Variants in CSMD1 observed in about 807,000 individuals in gnomAD.
The protein encoded by CSMD1 is CUB and Sushi multiple domains 1, also known as CUB and sushi domain-containing protein 1.
Under a neutral mutation model 417.5 loss-of-function variants are expected in CSMD1, and 213 were observed. That is an observed-to-expected ratio of 0.51 (90% confidence interval 0.46 to 0.57). CSMD1 has a LOEUF of 0.57. Ranked by LOEUF, CSMD1 falls within the 20% of genes least tolerant of loss-of-function variation. CSMD1 has a pLI of 0.00. For synonymous variants in CSMD1, 2,862 were observed against 1,736.8 expected (o/e 1.65, Z -16.11); for missense variants, 6,923 against 4,529.7 (o/e 1.53, Z -15.17).
chr8:3,244,031 T>G (rs1799718681), intron 26 of CSMD1, among the ~76,000 whole-genome samples: 1 of 152,148 alleles, frequency 6.6e-6, no homozygotes, highest in South Asian at 2.1e-4. Flanking sequence ...ATAAAATGCT[T>G]CTCACATCTG....
At chr8:3,638,867 C>G (rs1797171671) in intron 7 of CSMD1, among the ~76,000 whole-genome samples, 2 of 152,246 alleles carry the variant, frequency 1.3e-5, no homozygotes, top group African/African-American at 4.8e-5. Flanking sequence ...AAAGATAAAA[C>G]TACAAGAAAA....
chr8:4,007,807 G>T (rs530019153), intron 4 of CSMD1, among the ~76,000 whole-genome samples: 6 of 151,956 alleles, frequency 3.9e-5, no homozygotes, highest in Non-Finnish European at 7.4e-5. Flanking sequence ...ATATTTAGGG[G>T]GCTATGCACG....
intron 3 of CSMD1, among the ~76,000 whole-genome samples, chr8:4,341,712 A>G (rs931139342): frequency 9.2e-5 from 14 of 152,292 alleles, no homozygotes; most frequent in African/African-American, 9.6e-5. Context: ...AGATTAGTCA[A>G]TATGTTTTTT....
chr8:4,288,122 G>T (rs553707970), intron 3 of CSMD1, among the ~76,000 whole-genome samples: 1 of 152,096 alleles, frequency 6.6e-6, no homozygotes, highest in Admixed American at 6.6e-5. Context: ...CATGCTTTCT[G>T]TTCCTGCAGC....
At chr8:4,674,723 A>G (rs914971058) in intron 1 of CSMD1, among the ~76,000 whole-genome samples, 3 of 152,218 alleles carry the variant, frequency 2.0e-5, no homozygotes, top group Admixed American at 6.5e-5. Flanking sequence ...GTGCAAATAC[A>G]TATAGAAGAA....
intron 3 of CSMD1, among the ~76,000 whole-genome samples, chr8:4,092,443 C>A (rs1200109759): frequency 6.6e-6 from 1 of 152,016 alleles, no homozygotes; most frequent in Non-Finnish European, 1.5e-5. Flanking sequence ...TATATTATGA[C>A]CATATTATGA....
chr8:4,423,184 C>A (rs1797347774), intron 2 of CSMD1, among the ~76,000 whole-genome samples: 1 of 152,012 alleles, frequency 6.6e-6, no homozygotes, highest in Non-Finnish European at 1.5e-5. Context: ...CATTCTTATT[C>A]AATATCGTGC....
chr8:4,350,270 G>T (rs1389821991), intron 3 of CSMD1, among the ~76,000 whole-genome samples: 1 of 152,114 alleles, frequency 6.6e-6, no homozygotes, highest in African/African-American at 2.4e-5. Context: ...CTCACTCTAG[G>T]GGACGCCAAC....
At chr8:4,098,235 T>C (rs1801125699) in intron 3 of CSMD1, among the ~76,000 whole-genome samples, 1 of 152,224 alleles carries the variant, frequency 6.6e-6, no homozygotes, top group South Asian at 2.1e-4. Context: ...AATCTAATTA[T>C]ATTACAATAA....
intron 5 of CSMD1, among the ~76,000 whole-genome samples, chr8:3,811,701 T>C (rs897143663): frequency 3.3e-5 from 5 of 152,068 alleles, no homozygotes; most frequent in Admixed American, 3.3e-4. Flanking sequence ...TGTTTGTTTT[T>C]GTAGGAAAAT....
At chr8:3,515,492 G>C (rs1160292687) in intron 10 of CSMD1, 1 of 138,420 alleles carries the variant, frequency 7.2e-6, no homozygotes, top group Non-Finnish European at 1.5e-5. Context: ...TTGTTCACAA[G>C]TACCACTGGA....
chr8:3,313,909 G>A (rs1227954443), intron 23 of CSMD1, among the ~76,000 whole-genome samples: 1 of 152,170 alleles, frequency 6.6e-6, no homozygotes, highest in Non-Finnish European at 1.5e-5. Context: ...AGAAAATGTG[G>A]CACATATACA....
chr8:3,193,201 C>T (rs80003010), intron 33 of CSMD1, among the ~76,000 whole-genome samples: 22,510 of 152,030 alleles, frequency 0.15, 1,859 homozygotes, highest in East Asian at 0.24. Flanking sequence ...TCCAAGTTCC[C>T]AAAATGAGGA....
At chr8:3,583,141 C>G (rs1193078272) in intron 9 of CSMD1, among the ~76,000 whole-genome samples, 1 of 151,964 alleles carries the variant, frequency 6.6e-6, no homozygotes, top group Non-Finnish European at 1.5e-5. Context: ...GCCTGTCTTT[C>G]AGAATTCAGA....
chr8:3,868,114 T>C (rs1340059710), intron 5 of CSMD1, among the ~76,000 whole-genome samples: 1 of 152,056 alleles, frequency 6.6e-6, no homozygotes, highest in Non-Finnish European at 1.5e-5. Context: ...GTATTTAAAT[T>C]ATCCTAGCAC....
intron 3 of CSMD1, among the ~76,000 whole-genome samples, chr8:4,074,195 T>C (rs565447199): frequency 2.6e-5 from 4 of 152,198 alleles, no homozygotes; most frequent in East Asian, 1.9e-4. Flanking sequence ...TTAATGTCAC[T>C]ATGCTAAATT....
intron 3 of CSMD1, among the ~76,000 whole-genome samples, chr8:4,132,676 G>A (rs750544195): frequency 2.0e-5 from 3 of 152,148 alleles, no homozygotes; most frequent in Admixed American, 2.0e-4. Flanking sequence ...CAAACCTGAT[G>A]AGCCTCGCAA....
intron 3 of CSMD1, among the ~76,000 whole-genome samples, chr8:4,075,604 G>A (rs552997626): frequency 2.6e-4 from 39 of 152,238 alleles, no homozygotes; most frequent in African/African-American, 5.8e-4. Flanking sequence ...TCTGCATAGC[G>A]GAGTTAATCT....
At chr8:4,805,002 A>T (rs12679612) in intron 1 of CSMD1, among the ~76,000 whole-genome samples, 1 of 152,076 alleles carries the variant, frequency 6.6e-6, no homozygotes, top group Non-Finnish European at 1.5e-5. Context: ...GGATTAATTT[A>T]AATCTAGTAG....
Sources: allele counts gnomAD v4.1 joint callset (sites outside exome capture counted in the v4.1 genomes callset), GRCh38; gene constraint gnomAD v4.1.1; transcripts MANE v1.5; gene names NCBI Gene and HGNC (gene_info 2026-07-23, HGNC 2026-07-21).